The following THADA variants were observed in gnomAD, a reference collection of about 807,000 sequenced individuals.
The protein encoded by THADA is THADA armadillo repeat containing.
In THADA, 213 loss-of-function variants were observed where a neutral mutation model predicts 219.8. That is an observed-to-expected ratio of 0.97 (90% CI 0.87 to 1.09). The LOEUF is 1.09. Among genes scored for constraint, THADA ranks in the 50% least tolerant of loss-of-function variants. THADA has a pLI of 0.00. For synonymous variants in THADA, 1,018 were observed against 828.9 expected, an observed-to-expected ratio of 1.23 and a Z score of -3.92; for missense variants, 2,956 against 2,311.3, an observed-to-expected ratio of 1.28 and a Z score of -5.72.
At position 43,302,587 on chromosome 2, in the gene THADA, A is replaced by G. The variant is rs78635515; in HGVS notation, c.4439-9374T>C. Among the ~76,000 whole-genome samples, 506 of 152,148 alleles carry G rather than the reference A, an allele frequency of 3.3e-3. 19 individuals carry two copies. The East Asian group carries it at 0.09, about 27-fold the overall frequency. On this transcript the variant is annotated intron_variant, in intron 31 of 37. Transcript: ENST00000405975. ...CTGGTTTCCTGGAGAAGTAATTCCT[A>G]ATGAAATGTCACAATGTGGCAGACT...
chr2:43,286,855 A>G, intron 35 of THADA, 53 bp downstream of exon 35: 9 of 1,574,792 alleles, frequency 5.7e-6, no homozygotes, highest in African/African-American at 2.7e-5. Context: ...AAGAATATCT[A>G]TTCATATTTT....
chr2:43,581,926 T>C lies in THADA; in HGVS notation c.536A>G (p.Lys179Arg), dbSNP rs1329704162. ...SLIEILEENR[K>R]CAGNHIIQTQ... The stretch of plus-strand genomic sequence containing the variant: ...TTGAATAATATGATTTCCAGCACAT[T>C]TTCTATAAAGAAGAAAAGACATTAT... The change falls in exon 8 of 38, where the codon AAA (lysine) becomes AGA (arginine). Residue 179 changes from lysine (K) to arginine (R), a missense_variant and splice_region_variant. Coordinates refer to ENST00000405975, the MANE Select transcript of THADA (RefSeq NM_022065.5). 34 of 1,522,820 alleles carry C rather than the reference T, an allele frequency of 2.2e-5. No homozygotes were observed. The highest frequency in any genetic ancestry group is 3.0e-5 in the Non-Finnish European group (34 of 1,141,938). 94.3% of individuals were successfully genotyped at this position (1,522,820 alleles called of 1,614,324 possible). A position where few individuals can be genotyped will look rare whatever the true frequency, so the allele number is the denominator to read the frequency against.
At chr2:43,256,381 G>T (rs1343445038) in intron 36 of THADA, among the ~76,000 whole-genome samples, 1 of 151,636 alleles carries the variant, frequency 6.6e-6, no homozygotes, top group Admixed American at 6.6e-5. Context: ...GTTAGCATTT[G>T]GATTGGGGAT....
chr2:43,438,175 G>C (rs557758729), intron 26 of THADA, among the ~76,000 whole-genome samples: 1 of 151,792 alleles, frequency 6.6e-6, no homozygotes, highest in South Asian at 2.1e-4. Context: ...GGTGGCGGGC[G>C]CCTGTAGTCC....
chr2:43,256,547 A>G, intron 36 of THADA, among the ~76,000 whole-genome samples: 1 of 150,732 alleles, frequency 6.6e-6, no homozygotes, highest in Non-Finnish European at 1.5e-5. Flanking sequence ...AAGTAGCTGG[A>G]ACCACAGGCA....
At chr2:43,374,023 A>G (rs796744520) in intron 29 of THADA, among the ~76,000 whole-genome samples, 29 of 152,360 alleles carry the variant, frequency 1.9e-4, no homozygotes, top group African/African-American at 6.3e-4. Flanking sequence ...CACAATCTCA[A>G]TCAAAAAACA....
chr2:43,392,189 T>C (rs1673469323), intron 29 of THADA, among the ~76,000 whole-genome samples: 1 of 152,226 alleles, frequency 6.6e-6, no homozygotes. Context: ...TTTGTAGTTT[T>C]AAGAAATATA....
chr2:43,292,192 C>T lies in THADA; in HGVS notation c.4849G>A (p.Gly1617Ser). 3 of 1,611,450 alleles carry T rather than the reference C, an allele frequency of 1.9e-6. No individual in the cohort carries two copies. Among genetic ancestry groups the T allele is most frequent in the African/African-American group, 1.3e-5 (1 of 74,982 alleles). ...TGCTCCGTCTGGGGAAGCCACTCACCAGGGTCCATGCAGTGGAGAATTTTC... is the reference window on the plus strand; with the variant it reads ...TGCTCCGTCTGGGGAAGCCACTCACTAGGGTCCATGCAGTGGAGAATTTTC... ...ILKILHCMDP[G>S]EWLPQTEHCV... Residue 1617 changes from glycine (G) to serine (S), a missense_variant, in exon 33 of 38, where the codon GGT becomes AGT. Physicochemically the swap from Gly to Ser is moderately conservative, Grantham distance 56 (BLOSUM62 0). Transcript: ENST00000405975.
intron 29 of THADA, among the ~76,000 whole-genome samples, chr2:43,353,231 G>A (rs767592806): frequency 3.0e-4 from 46 of 152,136 alleles, no homozygotes; most frequent in Non-Finnish European, 6.0e-4. Flanking sequence ...GGTTCTATTT[G>A]TAATTTCTTT....
intron 1 of THADA, among the ~76,000 whole-genome samples, chr2:43,593,996 C>T (rs1229966489): frequency 6.6e-6 from 1 of 152,100 alleles, no homozygotes; most frequent in Non-Finnish European, 1.5e-5. Context: ...AAACAGATTC[C>T]AGATCAATAC....
intron 26 of THADA, among the ~76,000 whole-genome samples, chr2:43,436,458 C>T (rs569137343): frequency 6.6e-6 from 1 of 152,266 alleles, no homozygotes; most frequent in South Asian, 2.1e-4. Flanking sequence ...CCTCAGATGA[C>T]CTGAAGCACA....
chr2:43,232,694 C>A lies in THADA; in HGVS notation c.5466+19G>T, dbSNP rs1667582128. The A allele has an allele frequency of 6.2e-7, 1 of 1,612,924 alleles. No homozygotes were observed. Among genetic ancestry groups the A allele is most frequent in the Non-Finnish European group, 8.5e-7 (1 of 1,179,140 alleles). Reference sequence around the variant, plus strand: ...ACACTCCAACCCTGCCTCCTACTCCCCTGACACCCCGGGATCACCTGATGC... The same window carrying A: ...ACACTCCAACCCTGCCTCCTACTCCACTGACACCCCGGGATCACCTGATGC... On this transcript the variant is annotated intron_variant, in intron 37 of 37. Coordinates refer to ENST00000405975, the MANE Select transcript of THADA (RefSeq NM_022065.5).
At chr2:43,356,782 T>C (rs915826281) in intron 29 of THADA, among the ~76,000 whole-genome samples, 2 of 152,092 alleles carry the variant, frequency 1.3e-5, no homozygotes, top group African/African-American at 4.8e-5. Context: ...AAAGAAAAAA[T>C]ATTTTCCTTT....
At chr2:43,310,219 CTT>C (rs1367696178) in intron 31 of THADA, among the ~76,000 whole-genome samples, 1 of 87,122 alleles carries the variant, frequency 1.1e-5, no homozygotes, top group African/African-American at 5.3e-5. Context: ...CCCTCCCTCC[CTT>C]TCCCGCCCCC....
intron 35 of THADA, among the ~76,000 whole-genome samples, chr2:43,286,243 A>C (rs1353609325): frequency 6.6e-6 from 1 of 152,210 alleles, no homozygotes; most frequent in African/African-American, 2.4e-5. Flanking sequence ...GTGGATGATA[A>C]GGCAGGAGGA....
chr2:43,328,383 T>C (rs1679571711), intron 30 of THADA, among the ~76,000 whole-genome samples: 1 of 152,222 alleles, frequency 6.6e-6, no homozygotes, highest in Admixed American at 6.5e-5. Context: ...TTTTATGGTA[T>C]GCCCCAACAT....
chr2:43,425,317 G>A (rs1200597246), intron 28 of THADA, among the ~76,000 whole-genome samples: 1 of 152,100 alleles, frequency 6.6e-6, no homozygotes, highest in African/African-American at 2.4e-5. Context: ...ACTTCCTACT[G>A]ACTTCTCTGC....
chr2:43,337,472 C>T (rs1666587555), intron 30 of THADA, among the ~76,000 whole-genome samples: 1 of 152,162 alleles, frequency 6.6e-6, no homozygotes, highest in Admixed American at 6.5e-5. Context: ...CGAAGCTTGG[C>T]ACAGAGTAAG....
chr2:43,268,057 T>C (rs374589732), intron 36 of THADA, among the ~76,000 whole-genome samples: 2 of 152,176 alleles, frequency 1.3e-5, no homozygotes, highest in East Asian at 3.8e-4. Context: ...GAAGACAAGT[T>C]GCCGTCAAGG....
Sources: gnomAD v4.1 joint callset for allele counts (sites outside exome capture counted in the v4.1 genomes callset) on GRCh38, gnomAD v4.1.1 for gene constraint, MANE v1.5 for transcripts, NCBI Gene and HGNC (gene_info 2026-07-23, HGNC 2026-07-21) for gene names.